Variants in GRIN2B observed in about 807,000 individuals in gnomAD.
The protein encoded by GRIN2B is glutamate receptor ionotropic, NMDA 2B.
Under a neutral mutation model 114.5 loss-of-function variants are expected in GRIN2B, and 5 were observed. The ratio of observed to expected loss-of-function variants is 0.04; its 90% CI spans 0.02 to 0.09. GRIN2B has a LOEUF of 0.09. Among genes scored for constraint, GRIN2B ranks in the 10% least tolerant of loss-of-function variants. GRIN2B has a pLI of 1.00. For synonymous variants in GRIN2B, 787 were observed against 745.1 expected (o/e 1.06, Z -0.92); for missense variants, 1,108 against 1,943.5 (o/e 0.57, Z 8.08).
chr12:13,843,202 T>C (rs1287095871), intron 3 of GRIN2B, among the ~76,000 whole-genome samples: 5 of 150,492 alleles, frequency 3.3e-5, no homozygotes, highest in Admixed American at 3.3e-4. Flanking sequence ...TTGGCTTTTC[T>C]TATGTTCTCC....
intron 3 of GRIN2B, among the ~76,000 whole-genome samples, chr12:13,860,761 T>C (rs545795785): frequency 6.6e-6 from 1 of 152,336 alleles, no homozygotes; most frequent in East Asian, 1.9e-4. Context: ...CTGATCAACA[T>C]GTCTATTTCC....
At chr12:13,704,089 A>C (rs1321292162) in intron 4 of GRIN2B, among the ~76,000 whole-genome samples, 1 of 152,200 alleles carries the variant, frequency 6.6e-6, no homozygotes, top group African/African-American at 2.4e-5. Flanking sequence ...TCAGAGAGAT[A>C]AGAAAATAGT....
chr12:13,616,037 T>G (rs1949435254), intron 6 of GRIN2B, among the ~76,000 whole-genome samples: 1 of 152,156 alleles, frequency 6.6e-6, no homozygotes, highest in African/African-American at 2.4e-5. Context: ...TTTCCCACTC[T>G]AGGCACTTCA....
At position 13,900,383 on chromosome 12, in the gene GRIN2B, G is replaced by C. The variant is rs146629187; in HGVS notation, c.-18-34157C>G. ...CCAGCTACACAGGAGGCCAAGGCAG[G>C]AGAATCACTTGAACCCAGGAAGCGG... On this transcript the variant is annotated intron_variant, in intron 2 of 13. Transcript: ENST00000609686. Among the ~76,000 whole-genome samples the C allele has an allele frequency of 3.0e-3, 462 of 151,982 alleles. 3 individuals are homozygous for C. Among genetic ancestry groups the C allele is most frequent in the African/African-American group, 0.01 (421 of 41,452 alleles).
At chr12:13,697,735 T>C (rs1393006147) in intron 4 of GRIN2B, among the ~76,000 whole-genome samples, 3 of 152,166 alleles carry the variant, frequency 2.0e-5, no homozygotes, top group African/African-American at 7.2e-5. Flanking sequence ...GGTATCCAAG[T>C]TAGCATTTTC....
chr12:13,677,555 G>C (rs571810606), intron 4 of GRIN2B, among the ~76,000 whole-genome samples: 47 of 152,232 alleles, frequency 3.1e-4, no homozygotes, highest in African/African-American at 1.1e-3. Flanking sequence ...TCTTAGAATT[G>C]AAAGAGATTT....
intron 5 of GRIN2B, among the ~76,000 whole-genome samples, chr12:13,661,734 G>A (rs1949925697): frequency 6.6e-6 from 1 of 152,208 alleles, no homozygotes. Flanking sequence ...TGGACAGCAT[G>A]TATTCCAACC....
At chr12:13,925,047 A>AC (rs1237902914) in intron 2 of GRIN2B, among the ~76,000 whole-genome samples, 9 of 152,230 alleles carry the variant, frequency 5.9e-5, no homozygotes, top group Admixed American at 5.9e-4. Flanking sequence ...CTGTGCTTTA[A>AC]CAATACATAA....
At chr12:13,565,026 T>A (rs1948619715) in intron 13 of GRIN2B, among the ~76,000 whole-genome samples, 1 of 152,332 alleles carries the variant, frequency 6.6e-6, no homozygotes, top group East Asian at 1.9e-4. Context: ...AAAAATATCA[T>A]CAGCCTCCTG....
intron 3 of GRIN2B, among the ~76,000 whole-genome samples, chr12:13,810,142 C>T (rs537712719): frequency 2.2e-4 from 34 of 152,218 alleles, no homozygotes; most frequent in African/African-American, 7.7e-4. Flanking sequence ...CACCACCCCC[C>T]TCCCCACCAA....
chr12:13,615,382 T>C lies in GRIN2B; in HGVS notation c.1500+111A>G. ...GTATAGTGGGAACAATACATCTTATTTGCCATTTTATATTTTCTGAAATGC... is the reference window on the plus strand; with the variant it reads ...GTATAGTGGGAACAATACATCTTATCTGCCATTTTATATTTTCTGAAATGC... On this transcript the variant is annotated intron_variant, in intron 7 of 13. Coordinates refer to ENST00000609686, the MANE Select transcript of GRIN2B (RefSeq NM_000834.5). This position sits in a 1 kb window ranked among gnomAD's most constrained non-coding sequence, Gnocchi z 5.8. 2 of 1,416,656 alleles carry C rather than the reference T, an allele frequency of 1.4e-6. No individual in the cohort carries two copies. Among genetic ancestry groups the C allele is most frequent in the Non-Finnish European group, 2.0e-6 (2 of 1,000,442 alleles). 87.8% of individuals were successfully genotyped at this position (1,416,656 alleles called of 1,614,324 possible).
chr12:13,972,055 G>C (rs1227590506), intron 2 of GRIN2B, among the ~76,000 whole-genome samples: 1 of 152,130 alleles, frequency 6.6e-6, no homozygotes, highest in Non-Finnish European at 1.5e-5. Context: ...AGAGCTAACA[G>C]GTGCCTTGTC....
intron 4 of GRIN2B, among the ~76,000 whole-genome samples, chr12:13,720,869 C>T (rs1950501858): frequency 6.6e-6 from 1 of 152,044 alleles, no homozygotes; most frequent in Non-Finnish European, 1.5e-5. Flanking sequence ...CTGGGATAAG[C>T]ACTTTAGAAA....
intron 3 of GRIN2B, among the ~76,000 whole-genome samples, chr12:13,784,337 C>G (rs1723286867): frequency 6.6e-6 from 1 of 151,094 alleles, no homozygotes; most frequent in Admixed American, 6.6e-5. Flanking sequence ...CAGGAACAAC[C>G]TAGAGGAGTG....
chr12:13,608,048 G>A (rs1035422035), intron 10 of GRIN2B, among the ~76,000 whole-genome samples: 1 of 152,242 alleles, frequency 6.6e-6, no homozygotes, highest in East Asian at 1.9e-4. Flanking sequence ...CAATTAGTAA[G>A]GGGGCAGCCC....
chr12:13,621,589 G>GA (rs11409702), intron 5 of GRIN2B, among the ~76,000 whole-genome samples: 52,700 of 84,992 alleles, frequency 0.62, 13,972 homozygotes, highest in Middle Eastern at 0.67. Context: ...TTTTTCAAGA[G>GA]AAAAAAAAAA....
intron 4 of GRIN2B, among the ~76,000 whole-genome samples, chr12:13,729,424 T>G (rs2136602481): frequency 6.6e-6 from 1 of 152,264 alleles, no homozygotes; most frequent in East Asian, 1.9e-4. Context: ...TCTTAGCTTT[T>G]GTATGATGAA....
chr12:13,690,373 TCA>T (rs57259908), intron 4 of GRIN2B, among the ~76,000 whole-genome samples: 58,815 of 142,958 alleles, frequency 0.41, 12,074 homozygotes, highest in East Asian at 0.78. Flanking sequence ...TCTCTCTCTC[TCA>T]CACACACACA....
intron 4 of GRIN2B, among the ~76,000 whole-genome samples, chr12:13,711,075 A>G (rs1250493906): frequency 2.0e-5 from 3 of 152,206 alleles, no homozygotes; most frequent in Non-Finnish European, 4.4e-5. Context: ...ATAGGGCTAC[A>G]TATCTACAAC....
Sources: gnomAD v4.1 joint callset for allele counts (sites outside exome capture counted in the v4.1 genomes callset) on GRCh38, gnomAD v4.1.1 for gene constraint, Gnocchi (gnomAD v3.1) non-coding constraint, MANE v1.5 for transcripts, NCBI Gene and HGNC (gene_info 2026-07-23, HGNC 2026-07-21) for gene names.